COL5A1: variants seen among roughly 807,000 people sequenced by gnomAD.
COL5A1 encodes collagen type V alpha 1 chain.
In COL5A1, 16 loss-of-function variants were observed where a neutral mutation model predicts 263.7. That is an observed-to-expected ratio of 0.06 (90% CI 0.04 to 0.09). The LOEUF (loss-of-function observed/expected upper bound fraction) is 0.09, where lower values mean the gene tolerates loss of function less well. Among genes scored for constraint, COL5A1 ranks in the 10% least tolerant of loss-of-function variants. The probability of loss-of-function intolerance (pLI) is 1.00; values close to 1 mark genes in which losing one functional copy is unlikely to be tolerated. For synonymous variants in COL5A1, 1,012 were observed against 1,004.5 expected (o/e 1.01, Z -0.14); for missense variants, 2,036 against 2,540.5 (o/e 0.80, Z 4.27).
chr9:134,843,197 T>C lies in COL5A1; in HGVS notation c.*894T>C, dbSNP rs11103544. 0.21 allele frequency: 31,440 copies of C among 151,912 alleles called. 3,867 individuals carry two copies. Among genetic ancestry groups the C allele is most frequent in the African/African-American group, 0.35 (14,287 of 41,220 alleles). The allele number at this position is 151,912 out of a possible 1,614,324, so 9.4% of individuals were successfully genotyped here. A position where few individuals can be genotyped will look rare whatever the true frequency, so the allele number is the denominator to read the frequency against. ...AGGGAAAAAATTTGATAATTTTCTT[T>C]TTTCTACATGCACTTAAGACTAAAA... On this transcript the variant is annotated 3_prime_UTR_variant, in exon 66 of 66. Coordinates refer to ENST00000371817, the MANE Select transcript of COL5A1 (RefSeq NM_000093.5).
chr9:134,821,605 C>T lies in COL5A1; in HGVS notation c.4555-492C>T, dbSNP rs1839003218. ...GGGAGAAGGGGTCTGAGCGGAGGTT[C>T]CACGCTCCAAGGATGCAGAAAGCAC... is the stretch of plus-strand genomic sequence containing the variant. On this transcript the variant is annotated intron_variant, in intron 58 of 65. Coordinates refer to ENST00000371817, the MANE Select transcript of COL5A1 (RefSeq NM_000093.5). The surrounding 1 kb of genome is among the most constrained non-coding windows in gnomAD (Gnocchi z 4.2). Among the ~76,000 whole-genome samples, 1 of 152,144 alleles carries T rather than the reference C, an allele frequency of 6.6e-6. No individual in the cohort carries two copies. Among genetic ancestry groups the T allele is most frequent in the Non-Finnish European group, 1.5e-5 (1 of 68,040 alleles).
At chr9:134,702,493 C>G (rs1047456446) in intron 4 of COL5A1, among the ~76,000 whole-genome samples, 2 of 152,088 alleles carry the variant, frequency 1.3e-5, no homozygotes, top group Non-Finnish European at 2.9e-5. Flanking sequence ...CTCGGTGACT[C>G]GGGGTCACCA....
chr9:134,759,965 GCACACATGCA>G (rs1039383884), intron 18 of COL5A1, among the ~76,000 whole-genome samples: 4 of 44,726 alleles, frequency 8.9e-5, no homozygotes, highest in Non-Finnish European at 1.6e-4. Flanking sequence ...CCACACTCAT[GCACACATGCA>G]CACACATGCA....
chr9:134,792,401 A>G (rs1263798121), intron 32 of COL5A1, among the ~76,000 whole-genome samples: 2 of 152,100 alleles, frequency 1.3e-5, no homozygotes, highest in African/African-American at 4.8e-5. Flanking sequence ...TTAGAGACAG[A>G]GTCTCGCTCT....
intron 59 of COL5A1, 143 bp from the exon 60 acceptor site, chr9:134,822,855 C>G: frequency 1.0e-6 from 1 of 966,572 alleles, no homozygotes; most frequent in South Asian, 1.4e-5. Flanking sequence ...CCACTCTAGC[C>G]GGGCAAATAC....
intron 51 of COL5A1, 60 bp downstream of exon 51, chr9:134,815,689 GC>G: frequency 6.4e-7 from 1 of 1,564,356 alleles, no homozygotes. Context: ...GCCTCTGCCA[GC>G]CCCATTTCCC....
chr9:134,747,977 A>G (rs1835616768), intron 11 of COL5A1, among the ~76,000 whole-genome samples: 1 of 151,846 alleles, frequency 6.6e-6, no homozygotes, highest in East Asian at 1.9e-4. Context: ...ATGCATTCAC[A>G]CACACATGCA....
rs1318402758 is a variant in COL5A1, at chr9:134,824,678, C to T, written c.4777C>T (p.Leu1593=). The change falls in exon 62 of 66, where the codon CTG becomes TTG. Residue 1593 remains leucine (L), a synonymous_variant. Transcript: ENST00000371817. ...TRRNIDASQL[L]DDGNGENYVD... ...GCGGAACATCGACGCCAGCCAGCTG[C>T]TGGACGACGGGAATGGCGAGAACTA... The T allele has an allele frequency of 8.1e-6, 13 of 1,614,240 alleles. No individual in the cohort carries two copies. Among genetic ancestry groups the T allele is most frequent in the Admixed American group, 1.7e-5 (1 of 60,034 alleles).
intron 44 of COL5A1, among the ~76,000 whole-genome samples, chr9:134,811,101 A>C (rs961532583): frequency 6.6e-6 from 1 of 152,084 alleles, no homozygotes; most frequent in South Asian, 2.1e-4. Flanking sequence ...GGTGGTCTCG[A>C]GAGACATTGG....
intron 44 of COL5A1, 172 bp downstream of exon 44, chr9:134,810,480 C>T (rs1391127426): frequency 1.3e-5 from 8 of 625,520 alleles, no homozygotes; most frequent in South Asian, 6.0e-5. Flanking sequence ...TGTGCACACG[C>T]GTGCATATCT....
rs116268806 is a variant in COL5A1 at position 134,757,105 on chromosome 9, G to A, written c.1881+287G>A. Among the ~76,000 whole-genome samples, 702 of 152,270 alleles carry A rather than the reference G, an allele frequency of 4.6e-3. 8 individuals carry two copies. The highest frequency in any genetic ancestry group is 0.016 in the African/African-American group (677 of 41,542). On this transcript the variant is annotated intron_variant, in intron 17 of 65. Coordinates refer to ENST00000371817, the MANE Select transcript of COL5A1 (RefSeq NM_000093.5). This position sits in a 1 kb window ranked among gnomAD's most constrained non-coding sequence, Gnocchi z 6.2. ...AACCATCCGTGGCCGTGCAGGTGACGAGGCGCATGTAGGGCAGAGGCGGGG... is the reference window on the plus strand; with the variant it reads ...AACCATCCGTGGCCGTGCAGGTGACAAGGCGCATGTAGGGCAGAGGCGGGG...
chr9:134,757,179 G>A lies in COL5A1; in HGVS notation c.1881+361G>A, dbSNP rs1203221355. Among the ~76,000 whole-genome samples the A allele has an allele frequency of 6.6e-6, 1 of 152,130 alleles. No individual in the cohort carries two copies. Among genetic ancestry groups the A allele is most frequent in the African/African-American group, 2.4e-5 (1 of 41,416 alleles). On this transcript the variant is annotated intron_variant, in intron 17 of 65. Coordinates refer to ENST00000371817, the MANE Select transcript of COL5A1 (RefSeq NM_000093.5). This position sits in a 1 kb window ranked among gnomAD's most constrained non-coding sequence, Gnocchi z 6.2. ...GGGGTCTTGTCCAGTCGGGACTCCT[G>A]GGTGTTGTGGAGGTGAGTAGATGTT...
At chr9:134,782,341 A>C (rs1837288284) in intron 28 of COL5A1, among the ~76,000 whole-genome samples, 1 of 152,194 alleles carries the variant, frequency 6.6e-6, no homozygotes, top group Admixed American at 6.5e-5. Flanking sequence ...GGGACGCCAC[A>C]GAGTGCACTG....
intron 11 of COL5A1, among the ~76,000 whole-genome samples, chr9:134,740,665 A>G (rs1465661466): frequency 6.6e-6 from 1 of 152,114 alleles, no homozygotes; most frequent in East Asian, 1.9e-4. Context: ...TGGGGATCTC[A>G]ATGGTGTGAA....
intron 26 of COL5A1, among the ~76,000 whole-genome samples, chr9:134,774,590 T>TC (rs1243744253): frequency 6.6e-6 from 1 of 152,182 alleles, no homozygotes; most frequent in Non-Finnish European, 1.5e-5. Flanking sequence ...CCCCAGCCTA[T>TC]CCCTTATTTC....
At chr9:134,813,391 A>G (rs1442061512) in intron 48 of COL5A1, among the ~76,000 whole-genome samples, 1 of 152,184 alleles carries the variant, frequency 6.6e-6, no homozygotes, top group Non-Finnish European at 1.5e-5. Flanking sequence ...TCTTTCTGAC[A>G]TCAATCAGGC....
At chr9:134,792,741 G>A (rs1837740238) in intron 32 of COL5A1, among the ~76,000 whole-genome samples, 1 of 151,776 alleles carries the variant, frequency 6.6e-6, no homozygotes, top group Admixed American at 6.6e-5. Context: ...AGGCCTGAGT[G>A]TCCGCATGCA....
chr9:134,662,344 C>G (rs139296300), intron 1 of COL5A1, among the ~76,000 whole-genome samples: 1 of 152,352 alleles, frequency 6.6e-6, no homozygotes, highest in Non-Finnish European at 1.5e-5. Context: ...TTCGCACATT[C>G]TTCTCTGACA....
At chr9:134,676,149 C>T (rs1832677972) in intron 1 of COL5A1, among the ~76,000 whole-genome samples, 1 of 152,152 alleles carries the variant, frequency 6.6e-6, no homozygotes. Flanking sequence ...AGCAGACCTT[C>T]CCCTTCACTG....
Sources: allele counts gnomAD v4.1 joint callset (sites outside exome capture counted in the v4.1 genomes callset), GRCh38; gene constraint gnomAD v4.1.1; non-coding constraint Gnocchi (gnomAD v3.1); transcripts MANE v1.5; gene names NCBI Gene and HGNC (gene_info 2026-07-23, HGNC 2026-07-21).